The following GALNT18 variants were observed in gnomAD, a reference collection of about 807,000 sequenced individuals.
The protein encoded by GALNT18 is polypeptide N-acetylgalactosaminyltransferase 18, also known as GalNAc-transferase 18.
In GALNT18, 44 loss-of-function variants were observed where a neutral mutation model predicts 69.5. The observed-to-expected ratio is 0.63, with a 90% CI of 0.50 to 0.81. The LOEUF (loss-of-function observed/expected upper bound fraction) is 0.81. Among genes scored for constraint, GALNT18 ranks in the 40% least tolerant of loss-of-function variants. The probability of loss-of-function intolerance (pLI) is 0.00; values close to 1 mark genes in which losing one functional copy is unlikely to be tolerated. For synonymous variants in GALNT18, 364 were observed against 318.2 expected, an observed-to-expected ratio of 1.14 and a Z score of -1.53; for missense variants, 715 against 810.0, an observed-to-expected ratio of 0.88 and a Z score of 1.42.
chr11:11,340,292 C>T lies in GALNT18; in HGVS notation c.1278+527G>A, dbSNP rs1487640294. On this transcript the variant is annotated intron_variant, in intron 7 of 10. Transcript: ENST00000227756. The surrounding 1 kb of genome is among the most constrained non-coding windows in gnomAD (Gnocchi z 4.2). ...TGATGAGGCTCTGTGAAGGTTAACT[C>T]CATCTCCTAGTGAAGGTCCCTGTAG... Among the ~76,000 whole-genome samples, 4 of 39,120 alleles carry T rather than the reference C, an allele frequency of 1.0e-4. No homozygotes were observed. The highest frequency in any genetic ancestry group is 2.1e-4 in the African/African-American group (1 of 4,826). The allele number at this position is 39,120 out of a possible 152,430, so 25.7% of individuals were successfully genotyped here. A position where few individuals can be genotyped will look rare whatever the true frequency, so the allele number is the denominator to read the frequency against.
rs368322626 is a variant in GALNT18 at position 11,621,354 on chromosome 11, C to A, written c.235+5G>T. ...GGGCGACCCAAGTTTCCGGGGCGCC[C>A]GTACCTTGAATGTGCTGCTTGATGA... On this transcript the variant is annotated splice_donor_5th_base_variant and intron_variant, in intron 1 of 10. Transcript: ENST00000227756. This position sits in a 1 kb window ranked among gnomAD's most constrained non-coding sequence, Gnocchi z 9.3. 43 of 1,612,498 alleles carry A rather than the reference C, an allele frequency of 2.7e-5. No homozygotes were observed. The African/African-American group carries it at 4.8e-4, about 18-fold the overall frequency.
intron 1 of GALNT18, among the ~76,000 whole-genome samples, chr11:11,588,274 G>A (rs534229903): frequency 5.9e-5 from 9 of 152,138 alleles, no homozygotes; most frequent in Non-Finnish European, 1.2e-4. Flanking sequence ...CTATTGGACT[G>A]TGAGCTTTTT....
At chr11:11,420,435 T>C (rs969527982) in intron 3 of GALNT18, among the ~76,000 whole-genome samples, 1 of 152,198 alleles carries the variant, frequency 6.6e-6, no homozygotes, top group Non-Finnish European at 1.5e-5. Context: ...TGCCGAGCAC[T>C]GAGACTCTGA....
At chr11:11,301,119 G>A (rs144087326) in intron 9 of GALNT18, among the ~76,000 whole-genome samples, 1 of 152,104 alleles carries the variant, frequency 6.6e-6, no homozygotes, top group African/African-American at 2.4e-5. Context: ...AGGGCTACCC[G>A]TCCAGCTGCA....
intron 6 of GALNT18, among the ~76,000 whole-genome samples, chr11:11,364,152 G>A (rs1850704069): frequency 1.3e-5 from 2 of 152,124 alleles, no homozygotes; most frequent in South Asian, 2.1e-4. Context: ...GAATTTATTT[G>A]TACTTCTGGG....
intron 6 of GALNT18, among the ~76,000 whole-genome samples, chr11:11,371,145 A>T (rs1850894272): frequency 6.6e-6 from 1 of 152,218 alleles, no homozygotes; most frequent in South Asian, 2.1e-4. Flanking sequence ...GGCTTCAGAC[A>T]GACTGCTCAT....
intron 1 of GALNT18, among the ~76,000 whole-genome samples, chr11:11,498,308 C>T (rs1412360398): frequency 6.6e-6 from 1 of 152,226 alleles, no homozygotes; most frequent in African/African-American, 2.4e-5. Context: ...ATAACAAGCT[C>T]AGCAAGCACA....
At position 11,595,023 on chromosome 11, in the gene GALNT18, CAAGAATG is replaced by C. The variant is rs1565032945; in HGVS notation, c.235+26329_235+26335del. ...TGTATATATATCTATATAAAATCTC[CAAGAATG>C]AATATATACATATATATTCATTCCT... On this transcript the variant is annotated intron_variant, in intron 1 of 10. Transcript: ENST00000227756. This position sits in a 1 kb window ranked among gnomAD's most constrained non-coding sequence, Gnocchi z 5.2. Among the ~76,000 whole-genome samples the C allele has an allele frequency of 1.5e-3, 223 of 149,280 alleles. No individual in the cohort carries two copies. The highest frequency in any genetic ancestry group is 7.0e-3 in the Middle Eastern group (2 of 284).
chr11:11,375,738 A>G (rs996511286), intron 5 of GALNT18, among the ~76,000 whole-genome samples: 2 of 152,212 alleles, frequency 1.3e-5, no homozygotes, highest in Non-Finnish European at 2.9e-5. Flanking sequence ...ATGCGTGTAA[A>G]AGACCCTTGT....
intron 1 of GALNT18, among the ~76,000 whole-genome samples, chr11:11,524,139 G>A (rs1160879469): frequency 2.0e-5 from 3 of 152,112 alleles, no homozygotes; most frequent in African/African-American, 4.8e-5. Context: ...TCTAGTAGAA[G>A]CCTGTTCTGA....
At position 11,465,484 on chromosome 11, in the gene GALNT18, C is replaced by G. The variant is rs149460632; in HGVS notation, c.236-16548G>C. ...CCCTCTGATCCTGGGGCTCGTGATCCGTATCCATGGCAGCTCAGTAGCCAC... is the reference window on the plus strand; with the variant it reads ...CCCTCTGATCCTGGGGCTCGTGATCGGTATCCATGGCAGCTCAGTAGCCAC... On this transcript the variant is annotated intron_variant, in intron 1 of 10. Transcript: ENST00000227756. This position sits in a 1 kb window ranked among gnomAD's most constrained non-coding sequence, Gnocchi z 5.7. Among the ~76,000 whole-genome samples the G allele has an allele frequency of 7.9e-4, 121 of 152,250 alleles. No homozygotes were observed. Among genetic ancestry groups the G allele is most frequent in the African/African-American group, 2.6e-3 (110 of 41,534 alleles).
chr11:11,320,853 C>T lies in GALNT18; in HGVS notation c.1512+6233G>A, dbSNP rs922389557. ...AGTCCTGCCACAGCAGCATCCCTAC[C>T]CCTTCCTGGGAAATGTGTGTAATCT... is the stretch of plus-strand genomic sequence containing the variant. On this transcript the variant is annotated intron_variant, in intron 9 of 10. Transcript: ENST00000227756. The surrounding 1 kb of genome is among the most constrained non-coding windows in gnomAD (Gnocchi z 4.9). Among the ~76,000 whole-genome samples, 3 of 152,088 alleles carry T rather than the reference C, an allele frequency of 2.0e-5. No individual in the cohort carries two copies. Among genetic ancestry groups the T allele is most frequent in the African/African-American group, 7.2e-5 (3 of 41,408 alleles).
intron 8 of GALNT18, among the ~76,000 whole-genome samples, chr11:11,329,809 T>A (rs1564897397): frequency 6.6e-6 from 1 of 152,172 alleles, no homozygotes; most frequent in East Asian, 1.9e-4. Flanking sequence ...GGAATCATAG[T>A]CGGACAAGTG....
chr11:11,473,375 T>A (rs1856316162), intron 1 of GALNT18, among the ~76,000 whole-genome samples: 1 of 152,228 alleles, frequency 6.6e-6, no homozygotes. Context: ...CCCAGTCTCA[T>A]TCAAACATTC....
rs1384585721 is a variant in GALNT18, at chr11:11,421,268, GACT to G, written c.595+11350_595+11352del. ...CAGAGAAGAGGCTGGCAACATGCAG[GACT>G]AGAGCTGGAGAAATGGATTGAGCCC... On this transcript the variant is annotated intron_variant, in intron 3 of 10. Coordinates refer to ENST00000227756, the MANE Select transcript of GALNT18 (RefSeq NM_198516.3). This position sits in a 1 kb window ranked among gnomAD's most constrained non-coding sequence, Gnocchi z 5.6. Among the ~76,000 whole-genome samples, 1 of 152,158 alleles carries G rather than the reference GACT, an allele frequency of 6.6e-6. No homozygotes were observed. The highest frequency in any genetic ancestry group is 2.4e-5 in the African/African-American group (1 of 41,450).
intron 1 of GALNT18, 29 bp from the exon 2 acceptor site, chr11:11,448,965 G>A (rs746180583): frequency 2.0e-6 from 3 of 1,524,666 alleles, no homozygotes; most frequent in Non-Finnish European, 2.7e-6. Flanking sequence ...GGAGACAGTG[G>A]GTCAGAGTGC....
chr11:11,485,985 C>A (rs1856636242), intron 1 of GALNT18, among the ~76,000 whole-genome samples: 1 of 152,136 alleles, frequency 6.6e-6, no homozygotes, highest in Non-Finnish European at 1.5e-5. Context: ...GTGGAATCTG[C>A]AGACTATCAG....
At chr11:11,516,492 G>A (rs768023256) in intron 1 of GALNT18, among the ~76,000 whole-genome samples, 2 of 152,274 alleles carry the variant, frequency 1.3e-5, no homozygotes, top group Non-Finnish European at 2.9e-5. Context: ...TTAGCTGGAT[G>A]TGGTGGAGCA....
rs568597276 is a variant in GALNT18 at position 11,491,549 on chromosome 11, T to A, written c.236-42613A>T. Among the ~76,000 whole-genome samples, 4 of 152,374 alleles carry A rather than the reference T, an allele frequency of 2.6e-5. No homozygotes were observed. The South Asian group carries it at 8.3e-4, about 32-fold the overall frequency. On this transcript the variant is annotated intron_variant, in intron 1 of 10. Transcript: ENST00000227756. The stretch of plus-strand genomic sequence containing the variant: ...CTTCCTGCTGAGCCATTTCTCTGCA[T>A]TTCCTAAAGCAGATCTAAAACCTCC...
Sources: gnomAD v4.1 joint callset for allele counts (sites outside exome capture counted in the v4.1 genomes callset) on GRCh38, gnomAD v4.1.1 for gene constraint, Gnocchi (gnomAD v3.1) non-coding constraint, MANE v1.5 for transcripts, NCBI Gene and HGNC (gene_info 2026-07-23, HGNC 2026-07-21) for gene names.